The following LGALS3BP variants were observed in gnomAD, a reference collection of about 807,000 sequenced individuals.
LGALS3BP encodes the protein galectin 3 binding protein, also known as galectin-3-binding protein.
In LGALS3BP, 25 loss-of-function variants were observed where a neutral mutation model predicts 22.9. The observed-to-expected ratio is 1.09, with a 90% CI of 0.80 to 1.53. The LOEUF is 1.53. LGALS3BP is among the 40% of genes most tolerant of loss of function. The pLI, the probability that LGALS3BP is intolerant of heterozygous loss-of-function variation, is 0.00. For missense variants in LGALS3BP, 718 were observed against 752.0 expected (o/e 0.95, Z 0.53); for synonymous variants, 335 against 331.1 (o/e 1.01, Z -0.13).
chr17:78,976,241 C>T lies in LGALS3BP; in HGVS notation c.53-85G>A. 8.1e-7 allele frequency: 1 copy of T among 1,231,320 alleles called. No homozygotes were observed. The highest frequency in any genetic ancestry group is 2.1e-4 in the Middle Eastern group (1 of 4,808). The allele number at this position is 1,231,320 out of a possible 1,614,324, so 76.3% of individuals were successfully genotyped here. On this transcript the variant is annotated intron_variant, in intron 2 of 5. Coordinates refer to ENST00000262776, the MANE Select transcript of LGALS3BP (RefSeq NM_005567.4). This position sits in a 1 kb window ranked among gnomAD's most constrained non-coding sequence, Gnocchi z 4.6. ...CCAGGCCCCATATGCTGTCCTGGGT[C>T]TCCCCTGCTGAGCTTGTATTTCAGG...
In LGALS3BP at chr17:78,973,966, G is replaced by C. The variant is rs1249840874; in HGVS notation, c.376+722C>G. 6.6e-6 allele frequency among the ~76,000 whole-genome samples: 1 copy of C among 152,172 alleles called. No individual in the cohort carries two copies. Among genetic ancestry groups the C allele is most frequent in the Non-Finnish European group, 1.5e-5 (1 of 68,024 alleles). On this transcript the variant is annotated intron_variant, in intron 4 of 5. Transcript: ENST00000262776. This position sits in a 1 kb window ranked among gnomAD's most constrained non-coding sequence, Gnocchi z 5.8. ...GCTTTGGCCGTGCGCCCATGGCCCC[G>C]TGTGCTCCCCGCCGCCTCCCCTGGC...
intron 1 of LGALS3BP, among the ~76,000 whole-genome samples, chr17:78,978,001 C>T (rs925199818): frequency 1.1e-4 from 16 of 152,168 alleles, no homozygotes; most frequent in East Asian, 3.9e-4. Flanking sequence ...CTTTTGTCTT[C>T]GTCTGCCTCC....
intron 3 of LGALS3BP, among the ~76,000 whole-genome samples, chr17:78,975,353 A>T (rs1426019300): frequency 6.6e-6 from 1 of 152,218 alleles, no homozygotes; most frequent in Non-Finnish European, 1.5e-5. Flanking sequence ...AATTGTTTCA[A>T]TGGGATAAAC....
intron 4 of LGALS3BP, 186 bp downstream of exon 4, chr17:78,974,502 G>A: frequency 1.6e-6 from 1 of 626,428 alleles, no homozygotes; most frequent in Non-Finnish European, 2.7e-6. Flanking sequence ...GAGGAGTCTG[G>A]GACTGTGGGA....
In LGALS3BP at chr17:78,972,747, G is replaced by A. The variant is rs1319253091; in HGVS notation, c.630-43C>T. 4 of 1,511,916 alleles carry A rather than the reference G, an allele frequency of 2.6e-6. No individual in the cohort carries two copies. The highest frequency in any genetic ancestry group is 2.8e-5 in the African/African-American group (2 of 71,788). The allele number at this position is 1,511,916 out of a possible 1,614,324, so 93.7% of individuals were successfully genotyped here. On this transcript the variant is annotated intron_variant, in intron 5 of 5. Transcript: ENST00000262776. This position sits in a 1 kb window ranked among gnomAD's most constrained non-coding sequence, Gnocchi z 5.1. ...GAGCAGATGCCGGCCCCACAGGACA[G>A]CAGGGGAGCCCTGGGCCCAACTGTC...
chr17:78,972,464 C>A lies in LGALS3BP; in HGVS notation c.870G>T (p.Leu290Phe). Residue 290 changes from leucine to phenylalanine, a missense_variant, in exon 6 of 6, where the codon TTG becomes TTT. Physicochemically the swap from Leu to Phe is conservative, Grantham distance 22. Coordinates refer to ENST00000262776, the MANE Select transcript of LGALS3BP (RefSeq NM_005567.4). This position sits in a 1 kb window ranked among gnomAD's most constrained non-coding sequence, Gnocchi z 5.1. The stretch of plus-strand genomic sequence containing the variant: ...CACTGGGCCAGGCCTCGGCCTGCGT[C>A]AAGGCCTCGAAGTTCCAGGCCAGGA... ...LQFLAWNFEA[L>F]TQAEAWPSVP... The A allele has an allele frequency of 6.2e-7, 1 of 1,613,424 alleles. No homozygotes were observed. The highest frequency in any genetic ancestry group is 1.1e-5 in the South Asian group (1 of 91,076).
rs373259639 is a variant in LGALS3BP, at chr17:78,976,118, C to T, written c.91G>A (p.Ala31Thr). 3.9e-5 allele frequency: 62 copies of T among 1,595,786 alleles called. No homozygotes were observed. The African/African-American group carries it at 4.8e-4, about 12-fold the overall frequency. Reference sequence around the variant, plus strand: ...ATCTCCACGCGGCCCTGGTTGGTGGCGCCCCCATCGGCCAGCCGCATGTCA... The same window carrying T: ...ATCTCCACGCGGCCCTGGTTGGTGGTGCCCCCATCGGCCAGCCGCATGTCA... ...DGDMRLADGG[A>T]TNQGRVEIFY... Residue 31 changes from alanine (A) to threonine (T), a missense_variant, in exon 3 of 6, where the codon GCC becomes ACC. Ala to Thr is a moderately conservative substitution (Grantham distance 58, BLOSUM62 0). Coordinates refer to ENST00000262776, the MANE Select transcript of LGALS3BP (RefSeq NM_005567.4). This position sits in a 1 kb window ranked among gnomAD's most constrained non-coding sequence, Gnocchi z 4.6.
rs1473026116 is a variant in LGALS3BP, at chr17:78,971,472, C to T, written c.*104G>A. 10 of 1,054,920 alleles carry T rather than the reference C, an allele frequency of 9.5e-6. No homozygotes were observed. Among genetic ancestry groups the T allele is most frequent in the Non-Finnish European group, 9.5e-6 (7 of 739,444 alleles). The allele number at this position is 1,054,920 out of a possible 1,614,324, so 65.3% of individuals were successfully genotyped here. ...GGTGAGTAGGGCGACATCTGGTGGC[C>T]GGTTGTTGAAGGTCATTGCAGAGAG... is the stretch of plus-strand genomic sequence containing the variant. On this transcript the variant is annotated 3_prime_UTR_variant, in exon 6 of 6. Transcript: ENST00000262776. This position sits in a 1 kb window ranked among gnomAD's most constrained non-coding sequence, Gnocchi z 5.6.
chr17:78,977,947 T>C (rs1276649522), intron 1 of LGALS3BP, among the ~76,000 whole-genome samples: 1 of 152,214 alleles, frequency 6.6e-6, no homozygotes, highest in East Asian at 1.9e-4. Flanking sequence ...GGTCCGGGTC[T>C]CCACCTTCTG....
Position 78,972,095 on chromosome 17 carries a change from G to A in LGALS3BP, c.1239C>T (p.Thr413=). The stretch of plus-strand genomic sequence containing the variant: ...AACTGTCTGTCACAAAGGCACTCCA[G>A]GTGGGCGAGGTGTAAATCCGGGGCT... The part of the protein sequence containing the change: ...TYKPRIYTSP[T]WSAFVTDSSW... The change falls in exon 6 of 6, where the codon ACC becomes ACT. Residue 413 remains threonine (T), a synonymous_variant. Transcript: ENST00000262776. This position sits in a 1 kb window ranked among gnomAD's most constrained non-coding sequence, Gnocchi z 5.1. 1.2e-6 allele frequency: 2 copies of A among 1,613,438 alleles called. No homozygotes were observed. The highest frequency in any genetic ancestry group is 1.3e-5 in the African/African-American group (1 of 75,026).
At chr17:78,975,058 A>C (rs1308857669) in intron 3 of LGALS3BP, 4 of 534,258 alleles carry the variant, frequency 7.5e-6, no homozygotes, top group Non-Finnish European at 1.3e-5. Context: ...CATCACATTC[A>C]TGTATAGTAA....
At chr17:78,978,158 G>A (rs759438294) in intron 1 of LGALS3BP, among the ~76,000 whole-genome samples, 1 of 152,224 alleles carries the variant, frequency 6.6e-6, no homozygotes, top group Non-Finnish European at 1.5e-5. Context: ...GGGAGTCTGG[G>A]CCTGGTGACC....
At position 78,976,107 on chromosome 17, in the gene LGALS3BP, C is replaced by G. The variant is rs1216916940; in HGVS notation, c.102G>C (p.Gln34His). The G allele has an allele frequency of 6.2e-7, 1 of 1,602,666 alleles. No homozygotes were observed. The highest frequency in any genetic ancestry group is 8.5e-7 in the Non-Finnish European group (1 of 1,175,356). Reference sequence around the variant, plus strand: ...CTCTGTAGAAGATCTCCACGCGGCCCTGGTTGGTGGCGCCCCCATCGGCCA... The same window carrying G: ...CTCTGTAGAAGATCTCCACGCGGCCGTGGTTGGTGGCGCCCCCATCGGCCA... The part of the protein sequence containing the change: ...MRLADGGATN[Q>H]GRVEIFYRGQ... The change falls in exon 3 of 6, where the codon CAG becomes CAC. Residue 34 changes from glutamine (Q) to histidine (H), a missense_variant. By Grantham distance (24) the Gln-to-His change is conservative (BLOSUM62 0). Coordinates refer to ENST00000262776, the MANE Select transcript of LGALS3BP (RefSeq NM_005567.4). The surrounding 1 kb of genome is among the most constrained non-coding windows in gnomAD (Gnocchi z 4.6).
At position 78,973,099 on chromosome 17, in the gene LGALS3BP, AGGGCGTCCTC is replaced by A. The variant is rs770321313; in HGVS notation, c.490_499del (p.Glu164TrpfsTer10). ...GATGACCGTGTGGCCACAGAAGCCC[AGGGCGTCCTC>A]GCCCTGCACATTCACGCTGATGGAC... is the stretch of plus-strand genomic sequence containing the variant. On this transcript the variant is annotated frameshift_variant, in exon 5 of 6. Coordinates refer to ENST00000262776, the MANE Select transcript of LGALS3BP (RefSeq NM_005567.4). LOFTEE classifies it high-confidence loss of function. The surrounding 1 kb of genome is among the most constrained non-coding windows in gnomAD (Gnocchi z 5.8). The A allele has an allele frequency of 1.9e-6, 3 of 1,613,710 alleles. No individual in the cohort carries two copies. The highest frequency in any genetic ancestry group is 2.5e-6 in the Non-Finnish European group (3 of 1,179,976).
intron 3 of LGALS3BP, 143 bp from the exon 4 acceptor site, chr17:78,974,962 T>A (rs530866943): frequency 9.5e-7 from 1 of 1,051,808 alleles, no homozygotes; most frequent in African/African-American, 1.6e-5. Flanking sequence ...ACGGAGGATA[T>A]TCCAGCATGG....
rs2070693232 is a variant in LGALS3BP, at chr17:78,973,427, G to A, written c.377-205C>T. 1 of 615,186 alleles carries A rather than the reference G, an allele frequency of 1.6e-6. No homozygotes were observed. Among genetic ancestry groups the A allele is most frequent in the Admixed American group, 3.1e-5 (1 of 32,766 alleles). The allele number at this position is 615,186 out of a possible 1,614,324, so 38.1% of individuals were successfully genotyped here. A position where few individuals can be genotyped will look rare whatever the true frequency, so the allele number is the denominator to read the frequency against. ...CGCCCCTTCCAGCCCTGGGGAACAA[G>A]AGCAGCTAGGACCTGGCCAAGCCTG... On this transcript the variant is annotated intron_variant, in intron 4 of 5. Coordinates refer to ENST00000262776, the MANE Select transcript of LGALS3BP (RefSeq NM_005567.4). This position sits in a 1 kb window ranked among gnomAD's most constrained non-coding sequence, Gnocchi z 5.8.
rs369413200 is a variant in LGALS3BP, at chr17:78,971,841, G to A, written c.1493C>T (p.Ser498Leu). 4.6e-5 allele frequency: 74 copies of A among 1,614,132 alleles called. No homozygotes were observed. In the African/African-American group the frequency reaches 5.6e-4, roughly 12 times the overall value. The change falls in exon 6 of 6, where the codon TCG becomes TTG. Residue 498 changes from serine (S) to leucine (L), a missense_variant. By Grantham distance (145) the Ser-to-Leu change is moderately radical (BLOSUM62 -2). Transcript: ENST00000262776. The surrounding 1 kb of genome is among the most constrained non-coding windows in gnomAD (Gnocchi z 5.6). ...SCWNYGFSCS[S>L]DELPVLGLTK... is the part of the protein sequence containing the mutation. ...GAGGCCCAGGACAGGGAGCTCGTCC[G>A]AGGAGCAGGAGAAGCCGTAGTTCCA...
intron 1 of LGALS3BP, 26 bp from the exon 2 acceptor site, chr17:78,977,240 G>T: frequency 6.3e-7 from 1 of 1,590,230 alleles, no homozygotes; most frequent in African/African-American, 1.3e-5. Context: ...GCGGAGGGGT[G>T]AGGCACGGGA....
In LGALS3BP at chr17:78,971,585, A is replaced by C; in HGVS notation, c.1749T>G (p.Gly583=). ...IRPFYLTNSS[G]VD ...CCTTGGGCCACGCCGTCTAGTCCACACCTGAGGAGTTGGTCAGGTAGAAGG... is the reference window on the plus strand; with the variant it reads ...CCTTGGGCCACGCCGTCTAGTCCACCCCTGAGGAGTTGGTCAGGTAGAAGG... The change falls in exon 6 of 6, where the codon GGT becomes GGG. Residue 583 remains glycine, a synonymous_variant. Transcript: ENST00000262776. This position sits in a 1 kb window ranked among gnomAD's most constrained non-coding sequence, Gnocchi z 5.6. 1 of 1,613,044 alleles carries C rather than the reference A, an allele frequency of 6.2e-7. No individual in the cohort carries two copies. The highest frequency in any genetic ancestry group is 1.1e-5 in the South Asian group (1 of 91,044).
Sources: allele counts gnomAD v4.1 joint callset (sites outside exome capture counted in the v4.1 genomes callset), GRCh38; gene constraint gnomAD v4.1.1; non-coding constraint Gnocchi (gnomAD v3.1); transcripts MANE v1.5; gene names NCBI Gene and HGNC (gene_info 2026-07-23, HGNC 2026-07-21).